CUX1: variants seen among roughly 807,000 people sequenced by gnomAD.
CUX1 encodes the protein protein CASP.
CUX1 carries 31 observed loss-of-function variants against 158.8 expected under a neutral mutation model. That is an observed-to-expected ratio of 0.20 (90% CI 0.15 to 0.26). CUX1 has a LOEUF of 0.26. CUX1 is among the 10% of genes least tolerant of loss of function. The pLI is 1.00. For synonymous variants in CUX1, 879 were observed against 862.1 expected, an observed-to-expected ratio of 1.02 and a Z score of -0.34; for missense variants, 1,589 against 2,014.6, an observed-to-expected ratio of 0.79 and a Z score of 4.04.
chr7:102,117,396 G>GC (rs1427840811), intron 8 of CUX1, among the ~76,000 whole-genome samples: 2 of 14,052 alleles, frequency 1.4e-4, no homozygotes, highest in Non-Finnish European at 2.5e-4. Context: ...AGACTCCATC[G>GC]CAAAAAAAAA....
intron 1 of CUX1, among the ~76,000 whole-genome samples, chr7:101,914,633 G>A (rs2129083398): frequency 6.6e-6 from 1 of 151,802 alleles, no homozygotes; most frequent in South Asian, 2.1e-4. Flanking sequence ...TGAGTAGCTG[G>A]GATTACAGGA....
chr7:102,149,913 C>G (rs1253350123), intron 8 of CUX1, among the ~76,000 whole-genome samples: 8 of 152,136 alleles, frequency 5.3e-5, no homozygotes, highest in African/African-American at 1.7e-4. Context: ...TCCTCTACCC[C>G]CTGTGCTAAG....
At chr7:101,996,113 A>G (rs75760340) in intron 2 of CUX1, among the ~76,000 whole-genome samples, 7 of 147,686 alleles carry the variant, frequency 4.7e-5, no homozygotes, top group South Asian at 2.1e-4. Flanking sequence ...ACTCCATCCA[A>G]AAAAAAAAAA....
chr7:101,898,135 G>A (rs994235944), intron 1 of CUX1, among the ~76,000 whole-genome samples: 3 of 152,036 alleles, frequency 2.0e-5, no homozygotes, highest in South Asian at 2.1e-4. Context: ...GCTTTAAACC[G>A]CAAATGTCTT....
At chr7:102,229,901 C>G (rs1798785363) in intron 21 of CUX1, among the ~76,000 whole-genome samples, 1 of 152,166 alleles carries the variant, frequency 6.6e-6, no homozygotes, top group African/African-American at 2.4e-5. Flanking sequence ...GGATTACAGG[C>G]ATGAGCCACC....
intron 8 of CUX1, among the ~76,000 whole-genome samples, chr7:102,119,939 A>G (rs1831859477): frequency 6.6e-6 from 1 of 152,116 alleles, no homozygotes; most frequent in Admixed American, 6.6e-5. Flanking sequence ...GAGATTTACC[A>G]CCCTAATAGC....
chr7:102,168,158 T>G (rs1188490386), intron 9 of CUX1, among the ~76,000 whole-genome samples: 1 of 151,154 alleles, frequency 6.6e-6, no homozygotes, highest in Non-Finnish European at 1.5e-5. Flanking sequence ...GACATACAGG[T>G]CACCTTGCCA....
chr7:101,975,900 G>A (rs1381393510), intron 2 of CUX1, among the ~76,000 whole-genome samples: 2 of 152,154 alleles, frequency 1.3e-5, no homozygotes, highest in Non-Finnish European at 2.9e-5. Context: ...CAGCACTTTG[G>A]GAGGCCAAGG....
chr7:101,988,328 A>G (rs1814606036), intron 2 of CUX1, among the ~76,000 whole-genome samples: 1 of 152,176 alleles, frequency 6.6e-6, no homozygotes. Flanking sequence ...GTGGGAGGCA[A>G]GAAACCCAGA....
intron 2 of CUX1, among the ~76,000 whole-genome samples, chr7:101,984,503 A>C (rs10254416): frequency 1.5e-4 from 21 of 136,626 alleles, no homozygotes; most frequent in South Asian, 7.3e-4. Flanking sequence ...CGGCAAAAAA[A>C]AAAAAAAAAA....
At chr7:102,155,759 A>G (rs1484574858) in intron 8 of CUX1, among the ~76,000 whole-genome samples, 1 of 152,072 alleles carries the variant, frequency 6.6e-6, no homozygotes, top group Non-Finnish European at 1.5e-5. Context: ...GTAGTATTAG[A>G]CTATCTTTGC....
At chr7:102,198,332 T>G (rs1554518933) in intron 15 of CUX1, among the ~76,000 whole-genome samples, 1 of 152,218 alleles carries the variant, frequency 6.6e-6, no homozygotes, top group African/African-American at 2.4e-5. Context: ...TCAACAGAGC[T>G]ATTGAGAGGT....
intron 20 of CUX1, among the ~76,000 whole-genome samples, chr7:102,216,060 T>C (rs1395680376): frequency 2.6e-5 from 4 of 151,972 alleles, no homozygotes; most frequent in Admixed American, 6.6e-5. Context: ...TCCCAGCACT[T>C]TGGGAGGCCG....
At chr7:101,962,531 T>C (rs977537111) in intron 2 of CUX1, among the ~76,000 whole-genome samples, 1 of 152,184 alleles carries the variant, frequency 6.6e-6, no homozygotes, top group Admixed American at 6.5e-5. Context: ...GTGTCTGCCA[T>C]GGGTTCTGGT....
chr7:102,077,528 T>TAAAAAAAAAAAAAAAAAA, intron 4 of CUX1, among the ~76,000 whole-genome samples: 1 of 113,942 alleles, frequency 8.8e-6, no homozygotes, highest in Middle Eastern at 4.5e-3. Context: ...CCCATCTCTT[T>TAAAAAAAAAAAAAAAAAA]AAAAAAAAAA....
At chr7:101,991,100 GC>G (rs1294293711) in intron 2 of CUX1, among the ~76,000 whole-genome samples, 3 of 152,254 alleles carry the variant, frequency 2.0e-5, no homozygotes, top group Non-Finnish European at 4.4e-5. Context: ...TCTGTCCCTA[GC>G]CCCGCACCCA....
intron 2 of CUX1, among the ~76,000 whole-genome samples, chr7:102,020,151 C>T (rs1819175186): frequency 6.6e-6 from 1 of 152,248 alleles, no homozygotes; most frequent in Non-Finnish European, 1.5e-5. Context: ...GACATACTTA[C>T]TGTCTGCTGT....
chr7:102,243,524 G>C (rs1554535675), intron 23 of CUX1, among the ~76,000 whole-genome samples: 2 of 151,780 alleles, frequency 1.3e-5, no homozygotes, highest in Non-Finnish European at 2.9e-5. Flanking sequence ...GAGGGGCCGA[G>C]CACAGTGGCT....
At chr7:102,245,135 C>T (rs1490164658) in intron 23 of CUX1, among the ~76,000 whole-genome samples, 2 of 152,180 alleles carry the variant, frequency 1.3e-5, no homozygotes, top group Non-Finnish European at 2.9e-5. Context: ...CTTGAACTCC[C>T]AGGCTCAGCC....
Sources: allele counts gnomAD v4.1 joint callset (sites outside exome capture counted in the v4.1 genomes callset), GRCh38; gene constraint gnomAD v4.1.1; transcripts MANE v1.5; gene names NCBI Gene and HGNC (gene_info 2026-07-23, HGNC 2026-07-21).